PTPRZ1: variants seen among roughly 807,000 people sequenced by gnomAD.
PTPRZ1 encodes receptor-type tyrosine-protein phosphatase zeta.
In PTPRZ1, 82 loss-of-function variants were observed where a neutral mutation model predicts 214.1. The observed-to-expected ratio is 0.38, with a 90% CI of 0.32 to 0.46. PTPRZ1 has a LOEUF of 0.46. Among genes scored for constraint, PTPRZ1 ranks in the 20% least tolerant of loss-of-function variants. PTPRZ1 has a pLI of 1.00. For synonymous variants in PTPRZ1, 945 were observed against 987.9 expected, an observed-to-expected ratio of 0.96 and a Z score of 0.81; for missense variants, 2,603 against 2,748.7, an observed-to-expected ratio of 0.95 and a Z score of 1.19.
In PTPRZ1 at chr7:121,996,437, T is replaced by C; in HGVS notation, c.984T>C (p.Leu328=). The change falls in exon 9 of 30, where the codon CTT becomes CTC. Residue 328 remains leucine, a synonymous_variant. Coordinates refer to ENST00000393386, the MANE Select transcript of PTPRZ1 (RefSeq NM_002851.3). ...VQADPENYTS[L]LVTWERPRVV... is the part of the protein sequence containing the mutation. ...CTGACCCAGAGAATTATACCAGCCT[T>C]CTTGTTACATGGGAAAGACCTCGAG... The C allele has an allele frequency of 6.2e-7, 1 of 1,613,310 alleles. No homozygotes were observed. Among genetic ancestry groups the C allele is most frequent in the Non-Finnish European group, 8.5e-7 (1 of 1,179,480 alleles).
chr7:121,976,412 C>A (rs1041769450), intron 5 of PTPRZ1, 144 bp downstream of exon 5: 1 of 554,980 alleles, frequency 1.8e-6, no homozygotes, highest in Non-Finnish European at 3.1e-6. Flanking sequence ...AAAAAGATGA[C>A]CCTTGCCTGG....
chr7:121,949,734 G>C (rs1440421019), intron 2 of PTPRZ1, among the ~76,000 whole-genome samples: 1 of 152,058 alleles, frequency 6.6e-6, no homozygotes, highest in Admixed American at 6.6e-5. Context: ...GCCTTCATAT[G>C]GAAAAATAAC....
chr7:121,998,767 A>G (rs990304204), intron 10 of PTPRZ1, among the ~76,000 whole-genome samples: 1 of 152,200 alleles, frequency 6.6e-6, no homozygotes, highest in African/African-American at 2.4e-5. Context: ...ATATATACAT[A>G]TGTATAATCA....
intron 12 of PTPRZ1, among the ~76,000 whole-genome samples, chr7:122,018,498 T>G (rs1584747783): frequency 1.3e-5 from 2 of 151,964 alleles, no homozygotes; most frequent in East Asian, 1.9e-4. Flanking sequence ...ATTCCTCCAA[T>G]TCACCTGAAA....
intron 10 of PTPRZ1, among the ~76,000 whole-genome samples, chr7:122,000,565 T>C (rs1168024324): frequency 1.3e-5 from 2 of 148,806 alleles, no homozygotes; most frequent in Non-Finnish European, 3.0e-5. Flanking sequence ...AACTGTTTAC[T>C]AAATATTGTA....
chr7:121,906,852 C>G lies in PTPRZ1; in HGVS notation c.59-21304C>G, dbSNP rs377652707. 4.6e-5 allele frequency among the ~76,000 whole-genome samples: 7 copies of G among 152,028 alleles called. No homozygotes were observed. In the East Asian group the frequency reaches 5.8e-4, roughly 13 times the overall value. On this transcript the variant is annotated intron_variant, in intron 1 of 29. Transcript: ENST00000393386. ...CTATTTTTAAAATGAAGTTTATGAT[C>G]CATAATTTTGTGAAATAAACTTGAG...
In PTPRZ1 at chr7:121,954,124, G is replaced by A. The variant is rs746431316; in HGVS notation, c.125-13827G>A. Among the ~76,000 whole-genome samples, 45 of 152,138 alleles carry A rather than the reference G, an allele frequency of 3.0e-4. 1 individual carries two copies. Among genetic ancestry groups the A allele is most frequent in the Non-Finnish European group, 5.0e-4 (34 of 67,996 alleles). ...CTTATCTCTGCCCTAGTTTAGATCC[G>A]TAATAATCTTCACCTTACCAATTGG... On this transcript the variant is annotated intron_variant, in intron 2 of 29. Coordinates refer to ENST00000393386, the MANE Select transcript of PTPRZ1 (RefSeq NM_002851.3).
At chr7:122,031,621 C>T in intron 15 of PTPRZ1, 62 bp downstream of exon 15, 1 of 1,207,330 alleles carries the variant, frequency 8.3e-7, no homozygotes, top group South Asian at 1.4e-5. Flanking sequence ...AAAGATTCAG[C>T]AATAGGCTAT....
intron 2 of PTPRZ1, among the ~76,000 whole-genome samples, chr7:121,946,182 A>G (rs1198053314): frequency 3.3e-5 from 5 of 152,200 alleles, no homozygotes; most frequent in Non-Finnish European, 7.3e-5. Context: ...ATGGGAAAGG[A>G]TTTAGTGATT....
intron 13 of PTPRZ1, among the ~76,000 whole-genome samples, chr7:122,025,745 G>A (rs117176787): frequency 0.015 from 2,295 of 152,308 alleles, 24 homozygotes; most frequent in Non-Finnish European, 0.024. Flanking sequence ...TCACAGAGAA[G>A]ATACCTCTGA....
Position 122,012,784 on chromosome 7 carries a change from G to A in PTPRZ1, c.3738G>A (p.Val1246=), listed in dbSNP as rs769281066. 2.5e-6 allele frequency: 4 copies of A among 1,611,504 alleles called. No homozygotes were observed. In the South Asian group the frequency reaches 3.3e-5, roughly 13 times the overall value. Residue 1246 remains valine, a synonymous_variant, in exon 12 of 30, where the codon GTG becomes GTA. Coordinates refer to ENST00000393386, the MANE Select transcript of PTPRZ1 (RefSeq NM_002851.3). ...CTACATCTGTACCAGTTTTTGATGTGTCGCCTACTTCTCATATGCACTCTG... is the reference window on the plus strand; with the variant it reads ...CTACATCTGTACCAGTTTTTGATGTATCGCCTACTTCTCATATGCACTCTG... ...LHSTSVPVFD[V]SPTSHMHSAS...
At chr7:122,040,372 T>C (rs929800819) in intron 20 of PTPRZ1, among the ~76,000 whole-genome samples, 1 of 152,228 alleles carries the variant, frequency 6.6e-6, no homozygotes, top group African/African-American at 2.4e-5. Context: ...GCTGGCAGCC[T>C]AGAAATTCTG....
chr7:121,959,754 T>A (rs769636410), intron 2 of PTPRZ1, among the ~76,000 whole-genome samples: 1 of 152,240 alleles, frequency 6.6e-6, no homozygotes, highest in Non-Finnish European at 1.5e-5. Flanking sequence ...AATACTGAAT[T>A]ACTTCATTTT....
At chr7:122,042,355 A>G (rs761455414) in intron 21 of PTPRZ1, among the ~76,000 whole-genome samples, 14 of 152,226 alleles carry the variant, frequency 9.2e-5, no homozygotes, top group Admixed American at 2.6e-4. Flanking sequence ...TAAAATCTCC[A>G]ACAGATATAG....
intron 2 of PTPRZ1, among the ~76,000 whole-genome samples, chr7:121,941,981 C>T (rs989637067): frequency 6.6e-6 from 1 of 152,206 alleles, no homozygotes; most frequent in African/African-American, 2.4e-5. Context: ...TGATTTTCTT[C>T]TCTGCTGTGA....
intron 8 of PTPRZ1, 26 bp from the exon 9 acceptor site, chr7:121,996,356 A>C (rs1798133752): frequency 6.5e-7 from 1 of 1,547,236 alleles, no homozygotes; most frequent in Non-Finnish European, 8.7e-7. Context: ...AGTTCTATCA[A>C]CAACTGTACT....
intron 1 of PTPRZ1, among the ~76,000 whole-genome samples, chr7:121,892,127 G>A (rs1219218354): frequency 1.3e-5 from 2 of 151,960 alleles, no homozygotes; most frequent in African/African-American, 4.8e-5. Context: ...CATAATTTTA[G>A]CATTTGGGGT....
At chr7:121,982,873 A>G (rs1167724576) in intron 6 of PTPRZ1, among the ~76,000 whole-genome samples, 3 of 152,026 alleles carry the variant, frequency 2.0e-5, no homozygotes, top group Admixed American at 1.3e-4. Context: ...TCCCAGGTTC[A>G]AGCGACTCAC....
At chr7:121,896,635 T>TGGTGG (rs1167376246) in intron 1 of PTPRZ1, among the ~76,000 whole-genome samples, 4 of 151,922 alleles carry the variant, frequency 2.6e-5, no homozygotes. Context: ...TAGCCGGGTG[T>TGGTGG]GGTGGTGGGT....
Sources: gnomAD v4.1 joint callset for allele counts (sites outside exome capture counted in the v4.1 genomes callset) on GRCh38, gnomAD v4.1.1 for gene constraint, MANE v1.5 for transcripts, NCBI Gene and HGNC (gene_info 2026-07-23, HGNC 2026-07-21) for gene names.